Variants in DNALI1 observed in about 807,000 individuals in gnomAD.
DNALI1 encodes axonemal dynein light intermediate polypeptide 1.
Under a neutral mutation model 33.9 loss-of-function variants are expected in DNALI1, and 31 were observed. That is an observed-to-expected ratio of 0.91 (90% CI 0.69 to 1.23). The LOEUF is 1.23. Ranked by LOEUF, DNALI1 falls within the 50% of genes most tolerant of loss-of-function variation. The pLI, the probability that DNALI1 is intolerant of heterozygous loss-of-function variation, is 0.00. For synonymous variants in DNALI1, 117 were observed against 129.2 expected (o/e 0.91, Z 0.64); for missense variants, 305 against 323.8 (o/e 0.94, Z 0.44).
Position 37,566,540 on chromosome 1 carries a change from T to C in DNALI1, c.*1479T>C. ...GTATGCTTCTATTCCAAATCATTCA[T>C]TACCAATAAAAACGAAATACCACCC... On this transcript the variant is annotated 3_prime_UTR_variant, in exon 6 of 6. Transcript: ENST00000652629. The C allele has an allele frequency of 3.7e-6, 1 of 269,460 alleles. No homozygotes were observed. The allele number at this position is 269,460 out of a possible 1,614,324, so 16.7% of individuals were successfully genotyped here.
In DNALI1 at chr1:37,559,967, C is replaced by G. The variant is rs760171299; in HGVS notation, c.397+471C>G. ...AAGGAATCTGTGTCACGAATAAGTTCAAGGGAAGGTACTATGCCTGGATGT... is the reference window on the plus strand; with the variant it reads ...AAGGAATCTGTGTCACGAATAAGTTGAAGGGAAGGTACTATGCCTGGATGT... On this transcript the variant is annotated intron_variant, in intron 3 of 5. Transcript: ENST00000652629. The surrounding 1 kb of genome is among the most constrained non-coding windows in gnomAD (Gnocchi z 5.3). 1.3e-5 allele frequency among the ~76,000 whole-genome samples: 2 copies of G among 152,174 alleles called. No homozygotes were observed. The highest frequency in any genetic ancestry group is 2.9e-5 in the Non-Finnish European group (2 of 68,026).
chr1:37,564,623 C>T (rs540071306), intron 5 of DNALI1, among the ~76,000 whole-genome samples: 7 of 152,186 alleles, frequency 4.6e-5, no homozygotes, highest in South Asian at 2.1e-4. Flanking sequence ...CCTCACGATC[C>T]GCCCGCCTCA....
rs1643412025 is a variant in DNALI1, at chr1:37,559,578, C to T, written c.397+82C>T. 2 of 1,363,722 alleles carry T rather than the reference C, an allele frequency of 1.5e-6. No individual in the cohort carries two copies. The highest frequency in any genetic ancestry group is 1.9e-6 in the Non-Finnish European group (2 of 1,043,376). 84.5% of individuals were successfully genotyped at this position (1,363,722 alleles called of 1,614,324 possible). ...CCTTCAGCACAGATCCAAGCCTGAG[C>T]ACCTTGGAGCTGGAGCCCATCTCAT... is the stretch of plus-strand genomic sequence containing the variant. On this transcript the variant is annotated intron_variant, in intron 3 of 5. Transcript: ENST00000652629. The surrounding 1 kb of genome is among the most constrained non-coding windows in gnomAD (Gnocchi z 5.3).
chr1:37,566,849 T>A lies in DNALI1; in HGVS notation c.*1788T>A. 6.2e-7 allele frequency: 1 copy of A among 1,611,534 alleles called. No homozygotes were observed. Among genetic ancestry groups the A allele is most frequent in the East Asian group, 2.2e-5 (1 of 44,882 alleles). On this transcript the variant is annotated 3_prime_UTR_variant, in exon 6 of 6. Coordinates refer to ENST00000652629, the MANE Select transcript of DNALI1 (RefSeq NM_003462.5). ...TTTGTATAATTTAATAAAAACCTTTTAAACATTACTGCTTTTGTCTGAATT... is the reference window on the plus strand; with the variant it reads ...TTTGTATAATTTAATAAAAACCTTTAAAACATTACTGCTTTTGTCTGAATT...
rs1284271874 is a variant in DNALI1, at chr1:37,561,934, C to T, written c.577-147C>T. The T allele has an allele frequency of 7.1e-7, 1 of 1,408,074 alleles. No homozygotes were observed. The highest frequency in any genetic ancestry group is 9.7e-7 in the Non-Finnish European group (1 of 1,033,940). The allele number at this position is 1,408,074 out of a possible 1,614,324, so 87.2% of individuals were successfully genotyped here. A position where few individuals can be genotyped will look rare whatever the true frequency, so the allele number is the denominator to read the frequency against. On this transcript the variant is annotated intron_variant, in intron 4 of 5. Transcript: ENST00000652629. This position sits in a 1 kb window ranked among gnomAD's most constrained non-coding sequence, Gnocchi z 4.6. ...GGTGGTCTTGGCAGAGTTGTTTCCG[C>T]TGTAGACGCTCCATGCCAGGCACTG... is the stretch of plus-strand genomic sequence containing the variant.
At chr1:37,560,199 G>C (rs761668176) in intron 3 of DNALI1, among the ~76,000 whole-genome samples, 1 of 152,142 alleles carries the variant, frequency 6.6e-6, no homozygotes, top group Non-Finnish European at 1.5e-5. Flanking sequence ...TTATCTCAAC[G>C]GCAAGGGGCC....
At position 37,562,327 on chromosome 1, in the gene DNALI1, A is replaced by T. The variant is rs1207721537; in HGVS notation, c.741+82A>T. The T allele has an allele frequency of 6.6e-7, 1 of 1,508,086 alleles. No homozygotes were observed. The highest frequency in any genetic ancestry group is 2.5e-5 in the East Asian group (1 of 40,736). 93.4% of individuals were successfully genotyped at this position (1,508,086 alleles called of 1,614,324 possible). On this transcript the variant is annotated intron_variant, in intron 5 of 5. Transcript: ENST00000652629. This position sits in a 1 kb window ranked among gnomAD's most constrained non-coding sequence, Gnocchi z 5.8. ...AGGCCAGGCATTCGGTTCCTTTTCCATGGCTTTTAAATGTTTGTCCACATG... is the reference window on the plus strand; with the variant it reads ...AGGCCAGGCATTCGGTTCCTTTTCCTTGGCTTTTAAATGTTTGTCCACATG...
intron 5 of DNALI1, among the ~76,000 whole-genome samples, chr1:37,564,258 G>A (rs1012940232): frequency 1.4e-5 from 2 of 145,742 alleles, no homozygotes; most frequent in African/African-American, 5.1e-5. Context: ...CAACAAAGAG[G>A]GACAGCTCTG....
In DNALI1 at chr1:37,559,302, C is replaced by G; in HGVS notation, c.228-25C>G. ...GGGACCTTCAAGTCAACGGGTTTTG[C>G]TCAGCCTCGCTGTGTCTGCCACAGG... On this transcript the variant is annotated intron_variant, in intron 2 of 5. Transcript: ENST00000652629. This position sits in a 1 kb window ranked among gnomAD's most constrained non-coding sequence, Gnocchi z 5.3. 1 of 1,557,916 alleles carries G rather than the reference C, an allele frequency of 6.4e-7. No individual in the cohort carries two copies.
In DNALI1 at chr1:37,562,126, A is replaced by G. The variant is rs1450258030; in HGVS notation, c.622A>G (p.Asn208Asp). ...AAAGAGAGACCTGGAGAGGCAAGTG[A>G]ACGAGCAGAAGGCAAAATGTGAAGC... is the stretch of plus-strand genomic sequence containing the variant. Reference protein sequence around the residue: ...TEKRDLERQVNEQKAKCEATE... With the variant: ...TEKRDLERQVDEQKAKCEATE... Residue 208 changes from asparagine (N) to aspartate (D), a missense_variant, in exon 5 of 6, where the codon AAC becomes GAC. Asn to Asp is a conservative substitution (Grantham distance 23). Transcript: ENST00000652629. This position sits in a 1 kb window ranked among gnomAD's most constrained non-coding sequence, Gnocchi z 5.8. The G allele has an allele frequency of 6.2e-7, 1 of 1,614,138 alleles. No homozygotes were observed. The highest frequency in any genetic ancestry group is 1.7e-5 in the Admixed American group (1 of 60,020).
In DNALI1 at chr1:37,561,165, A is replaced by G. The variant is rs536196612; in HGVS notation, c.398-392A>G. 22 of 197,950 alleles carry G rather than the reference A, an allele frequency of 1.1e-4. No individual in the cohort carries two copies. The South Asian group carries it at 2.0e-3, about 18-fold the overall frequency. The allele number at this position is 197,950 out of a possible 1,614,324, so 12.3% of individuals were successfully genotyped here. On this transcript the variant is annotated intron_variant, in intron 3 of 5. Transcript: ENST00000652629. The surrounding 1 kb of genome is among the most constrained non-coding windows in gnomAD (Gnocchi z 4.6). ...CTCAAACCAGTGCAGCCAAGGGGGCACACAGGATGTCCCAGCTGCTTTAAA... is the reference window on the plus strand; with the variant it reads ...CTCAAACCAGTGCAGCCAAGGGGGCGCACAGGATGTCCCAGCTGCTTTAAA...
Position 37,565,296 on chromosome 1 carries a change from G to A in DNALI1, c.*235G>A. On this transcript the variant is annotated 3_prime_UTR_variant, in exon 6 of 6. Transcript: ENST00000652629. Reference sequence around the variant, plus strand: ...GGCTCCTGGCTGGGCAATGGAAGATGGTGTGGCCCTGTTAGTCTCCGTGTG... The same window carrying A: ...GGCTCCTGGCTGGGCAATGGAAGATAGTGTGGCCCTGTTAGTCTCCGTGTG... 1.8e-6 allele frequency: 1 copy of A among 562,642 alleles called. No individual in the cohort carries two copies. Among genetic ancestry groups the A allele is most frequent in the Admixed American group, 3.1e-5 (1 of 31,810 alleles). The allele number at this position is 562,642 out of a possible 1,614,324, so 34.9% of individuals were successfully genotyped here. A position where few individuals can be genotyped will look rare whatever the true frequency, so the allele number is the denominator to read the frequency against.
At chr1:37,563,577 A>T (rs1242297506) in intron 5 of DNALI1, among the ~76,000 whole-genome samples, 1 of 151,874 alleles carries the variant, frequency 6.6e-6, no homozygotes, top group Admixed American at 6.6e-5. Flanking sequence ...TGCAACCTCT[A>T]CCTCCCGGGT....
chr1:37,564,020 G>T (rs1280787973), intron 5 of DNALI1, among the ~76,000 whole-genome samples: 1 of 151,646 alleles, frequency 6.6e-6, no homozygotes, highest in Non-Finnish European at 1.5e-5. Flanking sequence ...GATCACATGA[G>T]GTCAGGAGTT....
At chr1:37,564,737 A>C (rs1187952234) in intron 5 of DNALI1, among the ~76,000 whole-genome samples, 3 of 152,202 alleles carry the variant, frequency 2.0e-5, no homozygotes, top group African/African-American at 7.2e-5. Flanking sequence ...TGAGCCATGA[A>C]AAGCCCTTAC....
Position 37,561,269 on chromosome 1 carries a change from G to A in DNALI1, c.398-288G>A. 2.8e-6 allele frequency: 1 copy of A among 363,228 alleles called. No individual in the cohort carries two copies. The highest frequency in any genetic ancestry group is 7.5e-5 in the South Asian group (1 of 13,284). 22.5% of individuals were successfully genotyped at this position (363,228 alleles called of 1,614,324 possible). A position where few individuals can be genotyped will look rare whatever the true frequency, so the allele number is the denominator to read the frequency against. ...TTTTACCTAAGGCAGGAAGGGAGGG[G>A]ACCCAGTGCTGTAAACAAACCAGAG... is the stretch of plus-strand genomic sequence containing the variant. On this transcript the variant is annotated intron_variant, in intron 3 of 5. Transcript: ENST00000652629. The surrounding 1 kb of genome is among the most constrained non-coding windows in gnomAD (Gnocchi z 4.6).
Position 37,562,175 on chromosome 1 carries a change from G to T in DNALI1, c.671G>T (p.Arg224Met), listed in dbSNP as rs779051650. The change falls in exon 5 of 6, where the codon AGG (arginine) becomes ATG (methionine). Residue 224 changes from arginine (R) to methionine (M), a missense_variant. By Grantham distance (91) the Arg-to-Met change is moderately conservative (BLOSUM62 -1). Coordinates refer to ENST00000652629, the MANE Select transcript of DNALI1 (RefSeq NM_003462.5). This position sits in a 1 kb window ranked among gnomAD's most constrained non-coding sequence, Gnocchi z 5.8. ...GCCACTGAGAAGCGGGAGAGCGAGA[G>T]GCGGCAGGTGGAGGAGAAGAAGCAC... ...CEATEKRESE[R>M]RQVEEKKHNE... 39 of 1,614,018 alleles carry T rather than the reference G, an allele frequency of 2.4e-5. 1 individual carries two copies. In the South Asian group the frequency reaches 4.2e-4, roughly 17 times the overall value.
Position 37,562,112 on chromosome 1 carries a change from T to C in DNALI1, c.608T>C (p.Leu203Pro), listed in dbSNP as rs1192918992. The C allele has an allele frequency of 6.2e-7, 1 of 1,613,990 alleles. No individual in the cohort carries two copies. The change falls in exon 5 of 6, where the codon CTG becomes CCG. Residue 203 changes from leucine (L) to proline (P), a missense_variant. Physicochemically the swap from Leu to Pro is moderately conservative, Grantham distance 98. Coordinates refer to ENST00000652629, the MANE Select transcript of DNALI1 (RefSeq NM_003462.5). The surrounding 1 kb of genome is among the most constrained non-coding windows in gnomAD (Gnocchi z 5.8). ...IAELETEKRD[L>P]ERQVNEQKAK... ...GAATTGGAGACGGAAAAGAGAGACC[T>C]GGAGAGGCAAGTGAACGAGCAGAAG...
Position 37,561,341 on chromosome 1 carries a change from T to C in DNALI1, c.398-216T>C, listed in dbSNP as rs1643435936. The C allele has an allele frequency of 3.6e-6, 2 of 563,066 alleles. No homozygotes were observed. Among genetic ancestry groups the C allele is most frequent in the Non-Finnish European group, 6.3e-6 (2 of 317,346 alleles). 34.9% of individuals were successfully genotyped at this position (563,066 alleles called of 1,614,324 possible). A position where few individuals can be genotyped will look rare whatever the true frequency, so the allele number is the denominator to read the frequency against. ...GCCAACCCAGTCTTGCTGACTGTGC[T>C]ACTCACAAGTGCCAAGTTCAGAGGA... On this transcript the variant is annotated intron_variant, in intron 3 of 5. Coordinates refer to ENST00000652629, the MANE Select transcript of DNALI1 (RefSeq NM_003462.5). The surrounding 1 kb of genome is among the most constrained non-coding windows in gnomAD (Gnocchi z 4.6).
Sources: gnomAD v4.1 joint callset for allele counts (sites outside exome capture counted in the v4.1 genomes callset) on GRCh38, gnomAD v4.1.1 for gene constraint, Gnocchi (gnomAD v3.1) non-coding constraint, MANE v1.5 for transcripts, NCBI Gene and HGNC (gene_info 2026-07-23, HGNC 2026-07-21) for gene names.